The following FRMPD4 variants were observed in gnomAD, a reference collection of about 807,000 sequenced individuals.
FRMPD4 encodes FERM and PDZ domain containing 4, also known as FERM and PDZ domain-containing protein 4.
In FRMPD4, 22 loss-of-function variants were observed where a neutral mutation model predicts 94.1. That is an observed-to-expected ratio of 0.23 (90% CI 0.17 to 0.33). The LOEUF (loss-of-function observed/expected upper bound fraction) is 0.33. Ranked by LOEUF, FRMPD4 falls within the 10% of genes least tolerant of loss-of-function variation. FRMPD4 has a pLI of 1.00. For missense variants in FRMPD4, 1,111 were observed against 1,339.9 expected (o/e 0.83, Z 2.67); for synonymous variants, 631 against 548.6 (o/e 1.15, Z -2.10).
intron 9 of FRMPD4, among the ~76,000 whole-genome samples, chrX:12,695,555 C>T (rs2060120494): frequency 1.8e-5 from 2 of 110,432 alleles, no homozygotes; most frequent in Admixed American, 1.9e-4. Context: ...CAGGTGCCTG[C>T]CACCACGCCC....
Position 12,002,087 on chromosome X carries a change from A to G in FRMPD4, c.95+124069A>G, listed in dbSNP as rs746075035. Among the ~76,000 whole-genome samples the G allele has an allele frequency of 8.0e-5, 9 of 112,155 alleles. No homozygotes were observed. In the East Asian group the frequency reaches 2.5e-3, roughly 31 times the overall value. Reference sequence around the variant, plus strand: ...CGGTTCCTTGGAGGCCAGTTCTCATAATGCCAGAAGGGAAGATACAAAAAT... The same window carrying G: ...CGGTTCCTTGGAGGCCAGTTCTCATGATGCCAGAAGGGAAGATACAAAAAT... On this transcript the variant is annotated intron_variant, in intron 3 of 18. Coordinates refer to the FRMPD4 transcript ENST00000640291.
chrX:12,027,052 C>G (rs971298040), intron 3 of FRMPD4, among the ~76,000 whole-genome samples: 1 of 111,959 alleles, frequency 8.9e-6, no homozygotes, highest in Admixed American at 9.5e-5. Context: ...ATAATCACTT[C>G]TAGTGATTGT....
chrX:12,022,711 G>T (rs531430309), intron 3 of FRMPD4, among the ~76,000 whole-genome samples: 1 of 111,469 alleles, frequency 9.0e-6, no homozygotes, highest in African/African-American at 3.3e-5. Context: ...AGCAGAGTTG[G>T]GAACCAACAA....
At chrX:12,718,854 A>G in intron 16 of FRMPD4, 64 bp downstream of exon 16, 2 of 712,058 alleles carry the variant, frequency 2.8e-6, no homozygotes, top group South Asian at 5.4e-5. Flanking sequence ...CATATTTACA[A>G]CAAACTTAAA....
chrX:12,300,345 G>T (rs764014628), intron 1 of FRMPD4, among the ~76,000 whole-genome samples: 3 of 112,000 alleles, frequency 2.7e-5, no homozygotes, highest in Non-Finnish European at 5.6e-5. Context: ...TATGGCCTAT[G>T]AACAACCAGG....
At chrX:12,653,571 G>T (rs1344234262) in intron 4 of FRMPD4, among the ~76,000 whole-genome samples, 1 of 111,507 alleles carries the variant, frequency 9.0e-6, no homozygotes, top group African/African-American at 3.3e-5. Flanking sequence ...TCTCAGAAGG[G>T]TTGCATGGAG....
intron 3 of FRMPD4, among the ~76,000 whole-genome samples, chrX:12,058,770 C>T (rs192328218): frequency 9.0e-6 from 1 of 111,091 alleles, no homozygotes; most frequent in East Asian, 2.8e-4. Context: ...TGCAACCCCC[C>T]TCCCTGCCCA....
intron 1 of FRMPD4, among the ~76,000 whole-genome samples, chrX:12,221,519 A>T (rs1183210424): frequency 8.9e-6 from 1 of 112,434 alleles, no homozygotes; most frequent in Non-Finnish European, 1.9e-5. Flanking sequence ...GGAAGAGGTG[A>T]TTACTGTGAG....
At chrX:12,198,842 A>ATTTCTAT (rs2056596140) in intron 1 of FRMPD4, among the ~76,000 whole-genome samples, 1 of 112,480 alleles carries the variant, frequency 8.9e-6, no homozygotes, top group Non-Finnish European at 1.9e-5. Context: ...ATATTTTGAT[A>ATTTCTAT]GAAAAAGAAC....
intron 3 of FRMPD4, among the ~76,000 whole-genome samples, chrX:11,891,477 C>G (rs1245293403): frequency 8.9e-6 from 1 of 112,612 alleles, no homozygotes; most frequent in Non-Finnish European, 1.9e-5. Flanking sequence ...GCCAAGAAAG[C>G]AAGCTGGAGA....
intron 4 of FRMPD4, among the ~76,000 whole-genome samples, chrX:12,617,769 G>A (rs114328566): frequency 0.017 from 1,907 of 110,934 alleles, 56 homozygotes; most frequent in African/African-American, 0.059. Flanking sequence ...GGCTTTAGTG[G>A]TGTAGTCTTG....
intron 1 of FRMPD4, among the ~76,000 whole-genome samples, chrX:12,157,534 G>A (rs16986785): frequency 0.29 from 31,941 of 110,349 alleles, 3,518 homozygotes; most frequent in Non-Finnish European, 0.35. Flanking sequence ...CTTTAGGAAT[G>A]TAAGTCCAGA....
At chrX:12,165,976 T>A (rs750955894) in intron 1 of FRMPD4, among the ~76,000 whole-genome samples, 1 of 111,754 alleles carries the variant, frequency 8.9e-6, no homozygotes, top group Non-Finnish European at 1.9e-5. Context: ...TTTCTAGATA[T>A]ACAATCATGT....
Position 12,179,074 on chromosome X carries a change from G to A in FRMPD4, c.41+40062G>A, listed in dbSNP as rs146875355. On this transcript the variant is annotated intron_variant, in intron 1 of 16. Transcript: ENST00000675598. ...ATCTGGGGCATGGCTGGGCTGGAAGGTCCAAGGAAATCTCACAGACTTGTT... is the reference window on the plus strand; with the variant it reads ...ATCTGGGGCATGGCTGGGCTGGAAGATCCAAGGAAATCTCACAGACTTGTT... Among the ~76,000 whole-genome samples the A allele has an allele frequency of 6.5e-3, 729 of 111,834 alleles. 11 individuals carry two copies. Among genetic ancestry groups the A allele is most frequent in the Admixed American group, 0.059 (621 of 10,517 alleles).
chrX:12,676,053 T>C (rs189537512), intron 5 of FRMPD4, among the ~76,000 whole-genome samples: 2 of 112,438 alleles, frequency 1.8e-5, no homozygotes, highest in South Asian at 3.7e-4. Flanking sequence ...CAGTTTAATA[T>C]TGACTGTCAC....
rs749400551 is a variant in FRMPD4 at position 12,716,801 on chromosome X, T to C, written c.2342T>C (p.Ile781Thr). 4.1e-6 allele frequency: 5 copies of C among 1,209,748 alleles called. No homozygotes were observed. Among genetic ancestry groups the C allele is most frequent in the South Asian group, 1.8e-5 (1 of 56,755 alleles). The change falls in exon 15 of 17, where the codon ATT becomes ACT. Residue 781 changes from isoleucine (I) to threonine (T), a missense_variant. Coordinates refer to ENST00000675598, the MANE Select transcript of FRMPD4 (RefSeq NM_001368397.1). ...LNLSGSSDDIIDLTSLPPPEG... is the reference protein window; with the variant it reads ...LNLSGSSDDITDLTSLPPPEG... Reference sequence around the variant, plus strand: ...CTGTCTGGGTCAAGCGATGACATCATTGACCTCACATCCCTGCCCCCTCCA... The same window carrying C: ...CTGTCTGGGTCAAGCGATGACATCACTGACCTCACATCCCTGCCCCCTCCA...
At chrX:12,052,010 T>C (rs1334217727) in intron 3 of FRMPD4, among the ~76,000 whole-genome samples, 1 of 112,211 alleles carries the variant, frequency 8.9e-6, no homozygotes, top group African/African-American at 3.2e-5. Flanking sequence ...AAAATATTTA[T>C]TTTTATTAAA....
At chrX:11,843,633 C>A (rs747195142) in intron 1 of FRMPD4, among the ~76,000 whole-genome samples, 7 of 110,810 alleles carry the variant, frequency 6.3e-5, no homozygotes, top group Non-Finnish European at 1.3e-4. Flanking sequence ...GTATAGTTCG[C>A]TGTAACCTTG....
intron 2 of FRMPD4, among the ~76,000 whole-genome samples, chrX:12,574,014 T>C (rs764228944): frequency 8.9e-6 from 1 of 112,508 alleles, no homozygotes; most frequent in African/African-American, 3.2e-5. Context: ...TTTTTATTTA[T>C]TTTTTTGAGA....
Sources: gnomAD v4.1 joint callset for allele counts (sites outside exome capture counted in the v4.1 genomes callset) on GRCh38, gnomAD v4.1.1 for gene constraint, MANE v1.5 for transcripts, NCBI Gene and HGNC (gene_info 2026-07-23, HGNC 2026-07-21) for gene names.